Variants in PAK1 observed in about 807,000 individuals in gnomAD.
PAK1 encodes the protein serine/threonine-protein kinase PAK 1.
A neutral mutation model predicts 67.4 loss-of-function variants in PAK1; 29 were observed. The ratio of observed to expected loss-of-function variants is 0.43; its 90% CI spans 0.32 to 0.59. The LOEUF (loss-of-function observed/expected upper bound fraction) is 0.59, where lower values mean the gene tolerates loss of function less well. PAK1 is among the 20% of genes least tolerant of loss of function. The pLI is 0.07. For missense variants in PAK1, 337 were observed against 670.7 expected (o/e 0.50, Z 5.50); for synonymous variants, 223 against 237.4 (o/e 0.94, Z 0.56).
intron 1 of PAK1, among the ~76,000 whole-genome samples, chr11:77,418,841 T>C (rs1034424844): frequency 6.6e-6 from 1 of 152,182 alleles, no homozygotes; most frequent in Non-Finnish European, 1.5e-5. Flanking sequence ...TCACCACTAA[T>C]AGGGGAAGTT....
intron 10 of PAK1, among the ~76,000 whole-genome samples, chr11:77,343,041 T>C (rs1169225958): frequency 1.3e-5 from 2 of 152,132 alleles, no homozygotes; most frequent in Non-Finnish European, 2.9e-5. Flanking sequence ...CTCAGTTTCC[T>C]TGTCTGTAAA....
chr11:77,484,196 C>G, the PAK1 span, among the ~76,000 whole-genome samples: 1 of 138,126 alleles, frequency 7.2e-6, no homozygotes, highest in African/African-American at 2.8e-5. Context: ...CATGAGTAAG[C>G]CAAAAAAAAA....
intron 5 of PAK1, among the ~76,000 whole-genome samples, chr11:77,362,027 C>A (rs907825324): frequency 7.1e-6 from 1 of 141,240 alleles, no homozygotes; most frequent in African/African-American, 2.5e-5. Flanking sequence ...TTTAAGATTA[C>A]TAATGTTACT....
At chr11:77,519,266 C>T in the PAK1 span, among the ~76,000 whole-genome samples, 1 of 152,108 alleles carries the variant, frequency 6.6e-6, no homozygotes, top group African/African-American at 2.4e-5. Flanking sequence ...TCTACCCCAC[C>T]CTTTTTTTCA....
intron 1 of PAK1, among the ~76,000 whole-genome samples, chr11:77,469,292 C>G (rs949054509): frequency 2.0e-5 from 3 of 152,102 alleles, no homozygotes; most frequent in African/African-American, 7.2e-5. Flanking sequence ...ACCTATGATA[C>G]AGAGATACCA....
intron 4 of PAK1, among the ~76,000 whole-genome samples, chr11:77,377,156 T>A (rs758920336): frequency 3.9e-5 from 6 of 151,936 alleles, no homozygotes; most frequent in Non-Finnish European, 8.8e-5. Context: ...ATGCCTGCAG[T>A]CCCAGTTACT....
At chr11:77,484,356 T>A in the PAK1 span, among the ~76,000 whole-genome samples, 1 of 152,078 alleles carries the variant, frequency 6.6e-6, no homozygotes, top group African/African-American at 2.4e-5. Context: ...TGACTGAACT[T>A]TTGGTCCTGG....
intron 5 of PAK1, among the ~76,000 whole-genome samples, chr11:77,373,278 T>C: frequency 6.6e-6 from 1 of 152,154 alleles, no homozygotes; most frequent in Non-Finnish European, 1.5e-5. Flanking sequence ...CTCACACCTG[T>C]AATCCTAACA....
intron 2 of PAK1, among the ~76,000 whole-genome samples, chr11:77,390,502 A>G (rs992917788): frequency 6.2e-5 from 9 of 144,950 alleles, no homozygotes; most frequent in African/African-American, 2.3e-4. Context: ...CACCCGGCCT[A>G]TTTTATTTTT....
At chr11:77,459,546 A>T (rs1054614506) in intron 1 of PAK1, among the ~76,000 whole-genome samples, 20 of 152,360 alleles carry the variant, frequency 1.3e-4, no homozygotes, top group African/African-American at 4.8e-4. Flanking sequence ...AATGGTGACC[A>T]AAAGACATGA....
intron 1 of PAK1, among the ~76,000 whole-genome samples, chr11:77,412,619 G>C (rs973596620): frequency 1.3e-5 from 2 of 151,722 alleles, no homozygotes; most frequent in African/African-American, 4.8e-5. Context: ...GTACAGATGG[G>C]GTCTGCCATG....
chr11:77,446,431 G>T (rs929675224), intron 1 of PAK1, among the ~76,000 whole-genome samples: 13 of 143,758 alleles, frequency 9.0e-5, no homozygotes, highest in African/African-American at 3.5e-4. Context: ...AGAAACACTT[G>T]AACCCAGGAG....
chr11:77,332,803 A>G lies in PAK1; in HGVS notation c.1478T>C (p.Ile493Thr). 6.2e-7 allele frequency: 1 copy of G among 1,613,588 alleles called. No homozygotes were observed. The highest frequency in any genetic ancestry group is 8.5e-7 in the Non-Finnish European group (1 of 1,179,524). Residue 493 changes from isoleucine to threonine, a missense_variant, in exon 14 of 15, where the codon ATC becomes ACC. Around this residue, in one of 8 missense-constraint regions of PAK1, gnomAD observed 71 missense variants for 160.5 expected, o/e 0.44. Transcript: ENST00000356341. The stretch of plus-strand genomic sequence containing the variant: ...ACAGCGGTTCAGAAAGTCCCGGAAG[A>G]TAGCTGACAGCTTCTCTGGGTTCTG... ...ELQNPEKLSA[I>T]FRDFLNRCLE...
At chr11:77,426,245 CT>C (rs561383676) in intron 1 of PAK1, among the ~76,000 whole-genome samples, 251 of 152,078 alleles carry the variant, frequency 1.7e-3, no homozygotes, top group Middle Eastern at 3.4e-3. Context: ...CCACCACCAT[CT>C]TTTTTTCTCT....
intron 1 of PAK1, among the ~76,000 whole-genome samples, chr11:77,447,360 T>C (rs768355119): frequency 6.3e-5 from 9 of 143,256 alleles, no homozygotes; most frequent in East Asian, 3.9e-4. Context: ...CTAACAAAAA[T>C]AGGACAAAAC....
chr11:77,374,470 A>T, intron 4 of PAK1, 105 bp from the exon 5 acceptor site: 1 of 728,334 alleles, frequency 1.4e-6, no homozygotes, highest in Non-Finnish European at 2.5e-6. Flanking sequence ...AGATTCAGAG[A>T]ATAGTAATAG....
chr11:77,494,069 TTAA>T, the PAK1 span, among the ~76,000 whole-genome samples: 1 of 152,110 alleles, frequency 6.6e-6, no homozygotes, highest in African/African-American at 2.4e-5. Context: ...TTGACAGCAA[TTAA>T]TAATATTTTT....
At chr11:77,493,457 T>G in the PAK1 span, among the ~76,000 whole-genome samples, 1 of 138,056 alleles carries the variant, frequency 7.2e-6, no homozygotes, top group Non-Finnish European at 1.6e-5. Flanking sequence ...TTTTTTTTTT[T>G]TTTTTTTTTT....
the PAK1 span, among the ~76,000 whole-genome samples, chr11:77,481,986 C>T: frequency 1.3e-5 from 2 of 151,832 alleles, no homozygotes; most frequent in South Asian, 2.1e-4. Flanking sequence ...TTTCTTTTTA[C>T]CGTTTTGCTT....
Sources: gnomAD v4.1 joint callset for allele counts (sites outside exome capture counted in the v4.1 genomes callset) on GRCh38, gnomAD v4.1.1 for gene constraint, gnomAD v4.1.1 regional missense constraint, MANE v1.5 for transcripts, NCBI Gene and HGNC (gene_info 2026-07-23, HGNC 2026-07-21) for gene names.